Variants in APIP observed in about 807,000 individuals in gnomAD.
APIP encodes the protein APAF1 interacting protein.
Under a neutral mutation model 32.0 loss-of-function variants are expected in APIP, and 32 were observed. The ratio of observed to expected loss-of-function variants is 1.00; its 90% CI spans 0.76 to 1.34. APIP has a LOEUF of 1.34. Among genes scored for constraint, APIP ranks in the 40% most tolerant of loss-of-function variants. The pLI is 0.00. For synonymous variants in APIP, 92 were observed against 94.8 expected (o/e 0.97, Z 0.17); for missense variants, 247 against 298.6 (o/e 0.83, Z 1.27).
chr11:34,909,756 T>A (rs12285604), intron 1 of APIP, among the ~76,000 whole-genome samples: 28,762 of 151,974 alleles, frequency 0.19, 3,881 homozygotes, highest in African/African-American at 0.39. Flanking sequence ...AGAAAGGAAA[T>A]GATTCCTAAT....
In APIP at chr11:34,890,553, C is replaced by A. The variant is rs780544303; in HGVS notation, c.159-1G>T. ...TGAAGGAGCAATGTAGATTTCATCGCTGGCAACACAAAACATACAAATTGG... is the reference window on the plus strand; with the variant it reads ...TGAAGGAGCAATGTAGATTTCATCGATGGCAACACAAAACATACAAATTGG... On this transcript the variant is annotated splice_acceptor_variant, in intron 2 of 6. Coordinates refer to ENST00000395787, the MANE Select transcript of APIP (RefSeq NM_015957.4). LOFTEE classifies it high-confidence loss of function. The A allele has an allele frequency of 5.0e-6, 8 of 1,609,472 alleles. No individual in the cohort carries two copies. In the Admixed American group the frequency reaches 1.3e-4, roughly 27 times the overall value.
At chr11:34,884,379 G>A (rs1853022192) in intron 5 of APIP, among the ~76,000 whole-genome samples, 1 of 152,208 alleles carries the variant, frequency 6.6e-6, no homozygotes, top group African/African-American at 2.4e-5. Flanking sequence ...ATCATTAAGA[G>A]TATAGAGTTG....
intron 1 of APIP, among the ~76,000 whole-genome samples, chr11:34,899,233 CA>C (rs1359519524): frequency 1.3e-5 from 2 of 152,150 alleles, no homozygotes; most frequent in African/African-American, 2.4e-5. Flanking sequence ...TCATGAGGCA[CA>C]TTTTTTTTTC....
chr11:34,893,763 A>C (rs1194831334), intron 2 of APIP, among the ~76,000 whole-genome samples: 1 of 152,242 alleles, frequency 6.6e-6, no homozygotes, highest in African/African-American at 2.4e-5. Context: ...TCAGTAATTT[A>C]AAGCAGATAA....
intron 1 of APIP, chr11:34,915,949 C>G: frequency 1.8e-6 from 1 of 557,754 alleles, no homozygotes; most frequent in Admixed American, 3.2e-5. Flanking sequence ...GTGAGGTCAC[C>G]TAAACGCTCT....
intron 1 of APIP, among the ~76,000 whole-genome samples, chr11:34,897,849 T>G (rs1302852896): frequency 6.6e-6 from 1 of 152,060 alleles, no homozygotes; most frequent in Non-Finnish European, 1.5e-5. Context: ...CTGAGTGACA[T>G]ACCTGGTCAA....
chr11:34,884,202 T>C lies in APIP; in HGVS notation c.462-698A>G, dbSNP rs551863088. 2.6e-5 allele frequency among the ~76,000 whole-genome samples: 4 copies of C among 152,334 alleles called. No individual in the cohort carries two copies. In the South Asian group the frequency reaches 6.2e-4, roughly 24 times the overall value. On this transcript the variant is annotated intron_variant, in intron 5 of 6. Coordinates refer to ENST00000395787, the MANE Select transcript of APIP (RefSeq NM_015957.4). ...CAAAAACTCAGATAAGCTTTCCTTTTTACATGAATTTCTCTTGTTTTGTTA... is the reference window on the plus strand; with the variant it reads ...CAAAAACTCAGATAAGCTTTCCTTTCTACATGAATTTCTCTTGTTTTGTTA...
intron 2 of APIP, among the ~76,000 whole-genome samples, chr11:34,894,309 C>T (rs1853230696): frequency 6.6e-6 from 1 of 151,918 alleles, no homozygotes; most frequent in Admixed American, 6.6e-5. Context: ...TACTGCCGTT[C>T]TTTTGATTCA....
chr11:34,883,356 A>G lies in APIP; in HGVS notation c.610T>C (p.Trp204Arg), dbSNP rs753257197. ...RHGVYVWGET[W>R]EKAKTMCECY... ...ACTCACATGGTTTTGGCCTTCTCCC[A>G]TGTTTCCCCCCACACATATACTCCA... Residue 204 changes from tryptophan to arginine, a missense_variant, in exon 6 of 7, where the codon TGG becomes CGG. By Grantham distance (101) the Trp-to-Arg change is moderately radical. Transcript: ENST00000395787. 3.7e-6 allele frequency: 6 copies of G among 1,610,744 alleles called. No homozygotes were observed. The highest frequency in any genetic ancestry group is 2.2e-5 in the South Asian group (2 of 90,546).
At chr11:34,901,526 TCTC>T (rs1289539069) in intron 1 of APIP, among the ~76,000 whole-genome samples, 4 of 152,144 alleles carry the variant, frequency 2.6e-5, no homozygotes, top group Admixed American at 6.5e-5. Flanking sequence ...GTCTCTCTCT[TCTC>T]CTCTAATCCA....
chr11:34,886,625 A>G (rs4755384), intron 5 of APIP, among the ~76,000 whole-genome samples: 242 of 152,330 alleles, frequency 1.6e-3, no homozygotes, highest in South Asian at 3.9e-3. Flanking sequence ...AACAACTTCC[A>G]GTTCTGCAAG....
chr11:34,903,289 G>A (rs538160600), intron 1 of APIP, among the ~76,000 whole-genome samples: 1 of 152,330 alleles, frequency 6.6e-6, no homozygotes, highest in Admixed American at 6.5e-5. Context: ...ACAGATGGGA[G>A]CTCTTTTGTA....
intron 1 of APIP, among the ~76,000 whole-genome samples, chr11:34,902,213 G>A (rs910312088): frequency 1.2e-4 from 18 of 152,104 alleles, no homozygotes; most frequent in Non-Finnish European, 2.2e-4. Flanking sequence ...ATTTCCTTCC[G>A]TCCAGACTGC....
chr11:34,889,010 A>C, intron 3 of APIP, 141 bp from the exon 4 acceptor site: 2 of 400,284 alleles, frequency 5.0e-6, no homozygotes, highest in Non-Finnish European at 8.7e-6. Flanking sequence ...TTTAGTATAC[A>C]TATACATAGA....
At chr11:34,889,630 C>T (rs544177136) in intron 3 of APIP, among the ~76,000 whole-genome samples, 98 of 152,184 alleles carry the variant, frequency 6.4e-4, no homozygotes, top group African/African-American at 2.2e-3. Flanking sequence ...TCCTCACTTT[C>T]CTCCCACCCT....
intron 5 of APIP, 105 bp from the exon 6 acceptor site, chr11:34,883,609 T>C: frequency 8.7e-7 from 1 of 1,144,130 alleles, no homozygotes; most frequent in Non-Finnish European, 1.2e-6. Context: ...GCTGTTTGTG[T>C]CTGAAAAGCC....
At chr11:34,890,666 CT>C (rs756247260) in intron 2 of APIP, 114 bp from the exon 3 acceptor site, 34 of 1,100,596 alleles carry the variant, frequency 3.1e-5, no homozygotes, top group Non-Finnish European at 4.4e-5. Flanking sequence ...CAGCCAGTTG[CT>C]TGATTTAATT....
At chr11:34,899,968 A>G (rs1853348923) in intron 1 of APIP, among the ~76,000 whole-genome samples, 1 of 152,232 alleles carries the variant, frequency 6.6e-6, no homozygotes, top group African/African-American at 2.4e-5. Context: ...ATTTTAAAAC[A>G]CTGGGACTGC....
chr11:34,895,390 C>T (rs774678861), intron 1 of APIP, among the ~76,000 whole-genome samples: 10 of 152,126 alleles, frequency 6.6e-5, no homozygotes, highest in Non-Finnish European at 1.5e-4. Flanking sequence ...GCCTAGTATA[C>T]ATTACAAAGC....
Sources: allele counts gnomAD v4.1 joint callset (sites outside exome capture counted in the v4.1 genomes callset), GRCh38; gene constraint gnomAD v4.1.1; transcripts MANE v1.5; gene names NCBI Gene and HGNC (gene_info 2026-07-23, HGNC 2026-07-21).